Variants in CFAP52 observed in about 807,000 individuals in gnomAD.
CFAP52 encodes the protein cilia- and flagella-associated protein 52.
In CFAP52, 57 loss-of-function variants were observed where a neutral mutation model predicts 70.5. The observed-to-expected ratio is 0.81, with a 90% CI of 0.65 to 1.01. CFAP52 has a LOEUF of 1.01. Among genes scored for constraint, CFAP52 ranks in the 50% least tolerant of loss-of-function variants. CFAP52 has a pLI of 0.00. For missense variants in CFAP52, 785 were observed against 788.5 expected (o/e 1.00, Z 0.05); for synonymous variants, 267 against 292.5 (o/e 0.91, Z 0.89).
intron 3 of CFAP52, among the ~76,000 whole-genome samples, chr17:9,587,303 T>C (rs1255015058): frequency 6.6e-6 from 1 of 152,252 alleles, no homozygotes; most frequent in African/African-American, 2.4e-5. Context: ...ATGTCTTTGC[T>C]ATTGTGAATA....
chr17:9,597,859 G>GAGAA (rs143647886), intron 4 of CFAP52, among the ~76,000 whole-genome samples: 22 of 151,112 alleles, frequency 1.5e-4, no homozygotes, highest in South Asian at 4.2e-4. Context: ...GAAAGAGAGA[G>GAGAA]AGAAAGAAAG....
chr17:9,628,624 G>C (rs1285205890), intron 8 of CFAP52, 48 bp from the exon 9 acceptor site: 1 of 1,593,466 alleles, frequency 6.3e-7, no homozygotes, highest in East Asian at 2.3e-5. Context: ...ATATGCATCT[G>C]GGAAACTGCA....
intron 4 of CFAP52, 59 bp downstream of exon 4, chr17:9,594,380 A>G: frequency 6.4e-7 from 1 of 1,572,954 alleles, no homozygotes; most frequent in East Asian, 2.3e-5. Flanking sequence ...TCTTGCACAG[A>G]AAACATGGTC....
intron 9 of CFAP52, among the ~76,000 whole-genome samples, chr17:9,631,028 AAGAG>A (rs761523039): frequency 4.5e-5 from 2 of 44,710 alleles, no homozygotes; most frequent in Admixed American, 2.6e-4. Context: ...GAAAGAAAGA[AAGAG>A]AGAGAGAGAG....
intron 4 of CFAP52, among the ~76,000 whole-genome samples, chr17:9,597,075 C>T (rs1033472003): frequency 5.3e-5 from 8 of 152,082 alleles, no homozygotes; most frequent in African/African-American, 1.9e-4. Flanking sequence ...CCCTACTCTC[C>T]CACCCCCAGT....
chr17:9,588,889 G>T (rs912094028), intron 3 of CFAP52, among the ~76,000 whole-genome samples: 7 of 151,576 alleles, frequency 4.6e-5, no homozygotes, highest in African/African-American at 1.7e-4. Context: ...GATCACCTGA[G>T]GTCAGGAGTT....
intron 9 of CFAP52, among the ~76,000 whole-genome samples, chr17:9,631,052 G>GAGAGAGAGAGAGAGAGAGAGAA (rs370935367): frequency 1.4e-3 from 55 of 37,938 alleles, no homozygotes; most frequent in Non-Finnish European, 1.8e-3. Context: ...GAGAGAGAGA[G>GAGAGAGAGAGAGAGAGAGAGAA]AGAAAGAAAG....
At chr17:9,592,619 T>C (rs1567622700) in intron 3 of CFAP52, among the ~76,000 whole-genome samples, 2 of 152,236 alleles carry the variant, frequency 1.3e-5, no homozygotes, top group African/African-American at 2.4e-5. Flanking sequence ...TCATACAATA[T>C]GTGGTCTTTT....
At chr17:9,613,984 C>CTT (rs200948001) in intron 8 of CFAP52, among the ~76,000 whole-genome samples, 2 of 151,076 alleles carry the variant, frequency 1.3e-5, no homozygotes, top group African/African-American at 2.4e-5. Flanking sequence ...TTTTTCCCCT[C>CTT]TTTTTTTTTA....
At chr17:9,589,549 A>G (rs1019369177) in intron 3 of CFAP52, among the ~76,000 whole-genome samples, 4 of 152,108 alleles carry the variant, frequency 2.6e-5, no homozygotes, top group Non-Finnish European at 4.4e-5. Flanking sequence ...CCTAGCCAAC[A>G]TGGCGAGACC....
At chr17:9,636,635 C>G (rs1280309178) in intron 11 of CFAP52, among the ~76,000 whole-genome samples, 1 of 152,096 alleles carries the variant, frequency 6.6e-6, no homozygotes, top group African/African-American at 2.4e-5. Flanking sequence ...GCCTCTATAT[C>G]ACTGCATACG....
chr17:9,583,549 T>C (rs186357526), intron 1 of CFAP52, among the ~76,000 whole-genome samples: 2 of 152,222 alleles, frequency 1.3e-5, no homozygotes, highest in Admixed American at 1.3e-4. Context: ...AAAATGCTAC[T>C]AGAAGGCATA....
intron 1 of CFAP52, among the ~76,000 whole-genome samples, chr17:9,582,361 A>G (rs569096670): frequency 6.6e-6 from 1 of 152,318 alleles, no homozygotes; most frequent in African/African-American, 2.4e-5. Context: ...TGGATATGAC[A>G]TGGTATCTCA....
At chr17:9,604,386 A>T (rs985281865) in intron 6 of CFAP52, among the ~76,000 whole-genome samples, 1 of 152,210 alleles carries the variant, frequency 6.6e-6, no homozygotes, top group Non-Finnish European at 1.5e-5. Context: ...CTGAATAAGG[A>T]CTGTTACCCA....
At chr17:9,591,340 C>A (rs1446884618) in intron 3 of CFAP52, among the ~76,000 whole-genome samples, 4 of 152,010 alleles carry the variant, frequency 2.6e-5, no homozygotes, top group African/African-American at 9.7e-5. Context: ...TCCCGGCCTG[C>A]ATGTATCTTT....
intron 12 of CFAP52, among the ~76,000 whole-genome samples, chr17:9,640,947 C>T (rs778069959): frequency 1.6e-4 from 24 of 152,092 alleles, no homozygotes; most frequent in Non-Finnish European, 1.8e-4. Flanking sequence ...CCCAGCTGGC[C>T]GTATCGCATT....
At chr17:9,578,262 A>G (rs909278492) in intron 1 of CFAP52, among the ~76,000 whole-genome samples, 1 of 152,230 alleles carries the variant, frequency 6.6e-6, no homozygotes, top group Admixed American at 6.5e-5. Context: ...ATGTATTACA[A>G]TTAGGTCCTA....
chr17:9,616,507 G>A (rs1909932715), intron 8 of CFAP52, among the ~76,000 whole-genome samples: 1 of 141,880 alleles, frequency 7.0e-6, no homozygotes, highest in Non-Finnish European at 1.5e-5. Flanking sequence ...ACAACTCAAG[G>A]AGGCCTGCCT....
At chr17:9,588,170 T>C (rs1248738656) in intron 3 of CFAP52, among the ~76,000 whole-genome samples, 2 of 152,216 alleles carry the variant, frequency 1.3e-5, no homozygotes, top group Non-Finnish European at 2.9e-5. Flanking sequence ...TGCAGGCGTA[T>C]AATTCCACTG....
Sources: gnomAD v4.1 joint callset for allele counts (sites outside exome capture counted in the v4.1 genomes callset) on GRCh38, gnomAD v4.1.1 for gene constraint, MANE v1.5 for transcripts, NCBI Gene and HGNC (gene_info 2026-07-23, HGNC 2026-07-21) for gene names.